The following MTUS2 variants were observed in gnomAD, a reference collection of about 807,000 sequenced individuals.
MTUS2 encodes the protein microtubule associated scaffold protein 2, also known as microtubule-associated tumor suppressor candidate 2.
Under a neutral mutation model 114.1 loss-of-function variants are expected in MTUS2, and 40 were observed. That is an observed-to-expected ratio of 0.35 (90% CI 0.27 to 0.46). The LOEUF is 0.46. MTUS2 is among the 20% of genes least tolerant of loss of function. MTUS2 has a pLI of 1.00. For synonymous variants in MTUS2, 688 were observed against 672.0 expected (o/e 1.02, Z -0.37); for missense variants, 1,679 against 1,705.4 (o/e 0.98, Z 0.27).
intron 6 of MTUS2, among the ~76,000 whole-genome samples, chr13:29,322,537 G>T (rs1477875197): frequency 2.6e-5 from 4 of 152,196 alleles, no homozygotes; most frequent in African/African-American, 9.6e-5. Flanking sequence ...TTGTGTTCTG[G>T]TGGGGACGGC....
At chr13:29,084,862 A>G (rs1289381678) in intron 4 of MTUS2, among the ~76,000 whole-genome samples, 2 of 137,676 alleles carry the variant, frequency 1.5e-5, no homozygotes, top group East Asian at 2.3e-4. Context: ...AGGTTACTTT[A>G]TAGGGTTTAA....
chr13:29,217,953 A>C (rs2139309164), intron 5 of MTUS2, among the ~76,000 whole-genome samples: 1 of 152,264 alleles, frequency 6.6e-6, no homozygotes, highest in South Asian at 2.1e-4. Flanking sequence ...CCTGGTCTCC[A>C]CAAAGAAATT....
intron 7 of MTUS2, among the ~76,000 whole-genome samples, chr13:29,336,148 G>A (rs9579347): frequency 0.19 from 28,567 of 152,038 alleles, 2,771 homozygotes; most frequent in Middle Eastern, 0.22. Context: ...CTGTCAGTTC[G>A]TCGAACTCAT....
chr13:28,869,991 G>A (rs73454647), intron 2 of MTUS2, among the ~76,000 whole-genome samples: 10,198 of 152,028 alleles, frequency 0.067, 1,113 homozygotes, highest in African/African-American at 0.23. Flanking sequence ...TATTTTTAAA[G>A]TTGACAATAA....
chr13:29,194,082 C>G (rs1226203828), intron 5 of MTUS2, among the ~76,000 whole-genome samples: 4 of 150,694 alleles, frequency 2.7e-5, no homozygotes, highest in Non-Finnish European at 5.9e-5. Context: ...ACACCTTATA[C>G]AAAAATTAAT....
intron 5 of MTUS2, among the ~76,000 whole-genome samples, chr13:29,256,477 C>T (rs1847359049): frequency 6.6e-6 from 1 of 152,222 alleles, no homozygotes; most frequent in African/African-American, 2.4e-5. Context: ...CCAGAGTGGG[C>T]AAGGAGGGCA....
chr13:28,947,679 G>A (rs950419760), intron 2 of MTUS2, among the ~76,000 whole-genome samples: 7 of 152,136 alleles, frequency 4.6e-5, no homozygotes, highest in Admixed American at 1.3e-4. Context: ...TGTAGCACTT[G>A]TATCTCCAAC....
chr13:28,894,290 GAGAGAGAGAGA>G (rs1879112397), intron 2 of MTUS2, among the ~76,000 whole-genome samples: 1 of 6,802 alleles, frequency 1.5e-4, no homozygotes, highest in Non-Finnish European at 3.8e-4. Context: ...GGGGGGGGGG[GAGAGAGAGAGA>G]GAGGGGGGGG....
intron 4 of MTUS2, among the ~76,000 whole-genome samples, chr13:29,069,840 AT>A (rs200775703): frequency 1.2e-4 from 19 of 152,118 alleles, no homozygotes; most frequent in South Asian, 8.3e-4. Flanking sequence ...AATAATTTGG[AT>A]TTTTTTTGTC....
At chr13:29,452,568 ATATATATGTGTGTGTG>A (rs1157285455) in intron 9 of MTUS2, among the ~76,000 whole-genome samples, 1 of 82,476 alleles carries the variant, frequency 1.2e-5, no homozygotes, top group African/African-American at 4.6e-5. Context: ...GTATATATAT[ATATATATGTGTGTGTG>A]TGTGTGTGTG....
chr13:29,023,177 G>A lies in MTUS2; in HGVS notation c.-242-1280G>A, dbSNP rs745814236. Among the ~76,000 whole-genome samples the A allele has an allele frequency of 4.6e-5, 7 of 152,096 alleles. No individual in the cohort carries two copies. In the East Asian group the frequency reaches 5.8e-4, roughly 13 times the overall value. ...ATTCCATGCAGATGGAAGAGTATGC[G>A]CAAAGGCCCTGAGGCAGAGAGTAAT... On this transcript the variant is annotated intron_variant, in intron 2 of 15. Coordinates refer to ENST00000612955, the MANE Select transcript of MTUS2 (RefSeq NM_001033602.4).
intron 2 of MTUS2, among the ~76,000 whole-genome samples, chr13:28,911,322 C>T (rs1406002092): frequency 7.3e-5 from 11 of 151,374 alleles, no homozygotes; most frequent in Admixed American, 5.3e-4. Flanking sequence ...ACTACAGGCA[C>T]GTACCACCAT....
chr13:29,489,450 A>T (rs767456308), intron 11 of MTUS2, among the ~76,000 whole-genome samples: 1 of 152,174 alleles, frequency 6.6e-6, no homozygotes, highest in Non-Finnish European at 1.5e-5. Context: ...ACCTCTGGGA[A>T]CTATTAGTAA....
At chr13:29,245,540 C>T (rs1337009652) in intron 5 of MTUS2, among the ~76,000 whole-genome samples, 1 of 152,166 alleles carries the variant, frequency 6.6e-6, no homozygotes, top group African/African-American at 2.4e-5. Flanking sequence ...TCCTTCCATC[C>T]TTATAACTCA....
intron 5 of MTUS2, among the ~76,000 whole-genome samples, chr13:29,215,804 T>G (rs1317223420): frequency 6.6e-6 from 1 of 152,118 alleles, no homozygotes; most frequent in Admixed American, 6.5e-5. Flanking sequence ...CTGGATGTGG[T>G]GTCTGTTGAC....
intron 9 of MTUS2, among the ~76,000 whole-genome samples, chr13:29,455,453 T>C (rs1164066346): frequency 6.6e-6 from 1 of 152,082 alleles, no homozygotes; most frequent in Non-Finnish European, 1.5e-5. Flanking sequence ...GAATGACCAT[T>C]ATCTAGAACA....
At chr13:29,044,139 G>T (rs2138570834) in intron 4 of MTUS2, among the ~76,000 whole-genome samples, 1 of 152,148 alleles carries the variant, frequency 6.6e-6, no homozygotes, top group African/African-American at 2.4e-5. Context: ...ATTTATTGTA[G>T]TGGAGGTTTG....
intron 4 of MTUS2, among the ~76,000 whole-genome samples, chr13:29,039,139 G>T (rs1162121652): frequency 2.0e-5 from 3 of 152,218 alleles, no homozygotes; most frequent in Non-Finnish European, 2.9e-5. Flanking sequence ...GGACTTTGTA[G>T]CGGTCCTTGA....
intron 8 of MTUS2, among the ~76,000 whole-genome samples, chr13:29,365,416 G>T (rs1870619236): frequency 6.6e-6 from 1 of 152,020 alleles, no homozygotes; most frequent in Non-Finnish European, 1.5e-5. Context: ...GGTGCAATAA[G>T]ATGAGAACAG....
Sources: allele counts gnomAD v4.1 joint callset (sites outside exome capture counted in the v4.1 genomes callset), GRCh38; gene constraint gnomAD v4.1.1; transcripts MANE v1.5; gene names NCBI Gene and HGNC (gene_info 2026-07-23, HGNC 2026-07-21).